The following SOBP variants were observed in gnomAD, a reference collection of about 807,000 sequenced individuals.
The protein encoded by SOBP is sine oculis binding protein homolog.
SOBP carries 4 observed loss-of-function variants against 53.6 expected under a neutral mutation model. The observed-to-expected ratio is 0.07, with a 90% CI of 0.04 to 0.17. The LOEUF is 0.17. Ranked by LOEUF, SOBP falls within the 10% of genes least tolerant of loss-of-function variation. The probability of loss-of-function intolerance (pLI) is 1.00; values close to 1 mark genes in which losing one functional copy is unlikely to be tolerated. For missense variants in SOBP, 1,088 were observed against 1,204.7 expected, an observed-to-expected ratio of 0.90 and a Z score of 1.43; for synonymous variants, 584 against 522.6, an observed-to-expected ratio of 1.12 and a Z score of -1.60.
In SOBP at chr6:107,577,106, C is replaced by T. The variant is rs143846202; in HGVS notation, c.574-9974C>T. Among the ~76,000 whole-genome samples, 432 of 152,306 alleles carry T rather than the reference C, an allele frequency of 2.8e-3. 2 individuals carry two copies. Among genetic ancestry groups the T allele is most frequent in the African/African-American group, 9.9e-3 (412 of 41,572 alleles). Reference sequence around the variant, plus strand: ...GAGATGTGCACTGATTCATCTGCATCCTTTCGCATGTTTTCTGGTGTCTGT... The same window carrying T: ...GAGATGTGCACTGATTCATCTGCATTCTTTCGCATGTTTTCTGGTGTCTGT... On this transcript the variant is annotated intron_variant, in intron 4 of 6. Transcript: ENST00000317357.
chr6:107,596,472 G>T (rs1264046991), intron 5 of SOBP, among the ~76,000 whole-genome samples: 3 of 152,220 alleles, frequency 2.0e-5, no homozygotes, highest in Non-Finnish European at 4.4e-5. Context: ...CGCCAGTGAG[G>T]CAGGGTAGAG....
chr6:107,576,421 G>A (rs1257104584), intron 4 of SOBP, among the ~76,000 whole-genome samples: 1 of 152,070 alleles, frequency 6.6e-6, no homozygotes, highest in Non-Finnish European at 1.5e-5. Context: ...ATTATATTTT[G>A]GACAACATTA....
intron 4 of SOBP, among the ~76,000 whole-genome samples, chr6:107,548,252 C>A (rs900928103): frequency 4.0e-5 from 6 of 150,014 alleles, no homozygotes; most frequent in Non-Finnish European, 8.9e-5. Context: ...TTTCTGTTTT[C>A]TTTTTGTTTT....
Position 107,495,885 on chromosome 6 carries a change from A to G in SOBP, c.96+5173A>G, listed in dbSNP as rs319049. On this transcript the variant is annotated intron_variant, in intron 1 of 6. Transcript: ENST00000317357. The stretch of plus-strand genomic sequence containing the variant: ...TATACCATCAAAATCCCTAAAGTCT[A>G]AAACTTCCTCTTGTGGAATGGGAAT... Among the ~76,000 whole-genome samples, 1,007 of 152,262 alleles carry G rather than the reference A, an allele frequency of 6.6e-3. 2 individuals carry two copies. Among genetic ancestry groups the G allele is most frequent in the Non-Finnish European group, 0.011 (733 of 67,994 alleles).
chr6:107,633,151 C>T (rs1315761208), intron 5 of SOBP, among the ~76,000 whole-genome samples: 1 of 152,202 alleles, frequency 6.6e-6, no homozygotes, highest in Non-Finnish European at 1.5e-5. Flanking sequence ...CTCCAAAACT[C>T]TTTAGGTTTG....
At chr6:107,529,697 A>C in intron 3 of SOBP, 1 of 853,220 alleles carries the variant, frequency 1.2e-6, no homozygotes, top group Non-Finnish European at 1.4e-6. Context: ...AAAAGTCACC[A>C]GATAAGGCAA....
At chr6:107,505,842 GC>G (rs953752156) in intron 2 of SOBP, among the ~76,000 whole-genome samples, 7 of 151,972 alleles carry the variant, frequency 4.6e-5, no homozygotes, top group Non-Finnish European at 1.0e-4. Flanking sequence ...GTAGAGACGG[GC>G]TTTCACCATG....
chr6:107,562,109 C>G (rs1784790299), intron 4 of SOBP, among the ~76,000 whole-genome samples: 1 of 150,154 alleles, frequency 6.7e-6, no homozygotes, highest in Non-Finnish European at 1.5e-5. Context: ...TGGCTCACTG[C>G]AACCTCCGCT....
intron 4 of SOBP, among the ~76,000 whole-genome samples, chr6:107,551,602 G>A (rs1380858249): frequency 6.6e-6 from 1 of 151,890 alleles, no homozygotes; most frequent in African/African-American, 2.4e-5. Context: ...AAAATATCTG[G>A]GTTTTAGAAT....
intron 3 of SOBP, chr6:107,514,844 A>G (rs2114961966): frequency 6.6e-6 from 1 of 152,352 alleles, no homozygotes; most frequent in South Asian, 2.1e-4. Context: ...AATGTGCTTT[A>G]ACAGGTACTT....
chr6:107,581,837 A>C (rs1466052693), intron 4 of SOBP, among the ~76,000 whole-genome samples: 1 of 152,166 alleles, frequency 6.6e-6, no homozygotes, highest in Non-Finnish European at 1.5e-5. Flanking sequence ...CCAATTCTTC[A>C]ACTATACACT....
At chr6:107,523,904 C>G (rs1044274493) in intron 3 of SOBP, among the ~76,000 whole-genome samples, 1 of 152,202 alleles carries the variant, frequency 6.6e-6, no homozygotes, top group Non-Finnish European at 1.5e-5. Flanking sequence ...AGTGTCCATG[C>G]GTGTCTTGTT....
chr6:107,517,640 A>G (rs920027747), intron 3 of SOBP, among the ~76,000 whole-genome samples: 1 of 152,228 alleles, frequency 6.6e-6, no homozygotes, highest in Non-Finnish European at 1.5e-5. Context: ...CAGTGGAGAA[A>G]GGATGGTCTT....
At chr6:107,534,916 C>G (rs1291954203) in intron 4 of SOBP, among the ~76,000 whole-genome samples, 1 of 152,148 alleles carries the variant, frequency 6.6e-6, no homozygotes, top group East Asian at 1.9e-4. Flanking sequence ...TTAAAATGAT[C>G]TCTGAGACCC....
intron 4 of SOBP, among the ~76,000 whole-genome samples, chr6:107,539,518 T>C (rs1784094018): frequency 6.6e-6 from 1 of 152,198 alleles, no homozygotes; most frequent in South Asian, 2.1e-4. Context: ...TAAATCAAGT[T>C]TTTTCTCATC....
At chr6:107,509,989 A>G (rs1340650518) in intron 3 of SOBP, 2 of 152,238 alleles carry the variant, frequency 1.3e-5, no homozygotes, top group African/African-American at 4.8e-5. Flanking sequence ...CTCTACTTTT[A>G]AGGAGCTTAT....
intron 5 of SOBP, among the ~76,000 whole-genome samples, chr6:107,608,307 C>G (rs930382513): frequency 6.6e-6 from 1 of 151,968 alleles, no homozygotes; most frequent in Non-Finnish European, 1.5e-5. Flanking sequence ...GATGTATGGA[C>G]TGGGGCATGA....
intron 4 of SOBP, among the ~76,000 whole-genome samples, chr6:107,567,461 AT>A (rs2115033516): frequency 6.6e-6 from 1 of 152,304 alleles, no homozygotes; most frequent in East Asian, 1.9e-4. Flanking sequence ...TTTTCCATTA[AT>A]GTGTATATAC....
intron 4 of SOBP, among the ~76,000 whole-genome samples, chr6:107,543,008 T>A (rs1042018146): frequency 5.3e-5 from 8 of 152,136 alleles, no homozygotes; most frequent in Non-Finnish European, 1.2e-4. Flanking sequence ...AAAGAGATGG[T>A]AATCTTGAAG....
Sources: gnomAD v4.1 joint callset for allele counts (sites outside exome capture counted in the v4.1 genomes callset) on GRCh38, gnomAD v4.1.1 for gene constraint, MANE v1.5 for transcripts, NCBI Gene and HGNC (gene_info 2026-07-23, HGNC 2026-07-21) for gene names.